CIZ1: variants seen among roughly 807,000 people sequenced by gnomAD.
CIZ1 encodes cip1-interacting zinc finger protein.
In CIZ1, 58 loss-of-function variants were observed where a neutral mutation model predicts 118.6. The ratio of observed to expected loss-of-function variants is 0.49; its 90% CI spans 0.40 to 0.61. The LOEUF is 0.61. CIZ1 is among the 20% of genes least tolerant of loss of function. The pLI, the probability that CIZ1 is intolerant of heterozygous loss-of-function variation, is 0.00. For missense variants in CIZ1, 921 were observed against 1,115.9 expected (o/e 0.83, Z 2.49); for synonymous variants, 448 against 443.4 (o/e 1.01, Z -0.13).
intron 5 of CIZ1, among the ~76,000 whole-genome samples, chr9:128,182,790 T>A (rs567705097): frequency 6.6e-6 from 1 of 150,408 alleles, no homozygotes; most frequent in Admixed American, 6.6e-5. Flanking sequence ...TCTGTATTCT[T>A]TTTTTTTTTC....
chr9:128,185,293 A>G (rs1832220206), intron 5 of CIZ1, among the ~76,000 whole-genome samples: 1 of 152,200 alleles, frequency 6.6e-6, no homozygotes, highest in South Asian at 2.1e-4. Flanking sequence ...AACAAACAAA[A>G]AAGAAACATT....
In CIZ1 at chr9:128,203,757, C is replaced by T. The variant is rs373421556; in HGVS notation, c.-6+429G>A. The T allele has an allele frequency of 5.6e-6, 5 of 890,166 alleles. No homozygotes were observed. The highest frequency in any genetic ancestry group is 3.9e-5 in the East Asian group (1 of 25,572). 55.1% of individuals were successfully genotyped at this position (890,166 alleles called of 1,614,324 possible). A position where few individuals can be genotyped will look rare whatever the true frequency, so the allele number is the denominator to read the frequency against. On this transcript the variant is annotated intron_variant, in intron 1 of 17. Transcript: ENST00000372948. The surrounding 1 kb of genome is among the most constrained non-coding windows in gnomAD (Gnocchi z 5.3). ...CTGCACCCGCGGCCGGCGCGCCCCC[C>T]ACCCCCAGCCGGAGCGAGGAGGCCC...
At chr9:128,169,260 C>CAT in intron 13 of CIZ1, 59 bp from the exon 14 acceptor site, 2 of 1,498,274 alleles carry the variant, frequency 1.3e-6, no homozygotes. Flanking sequence ...GGGCCATGCC[C>CAT]TACCCACCCC....
At chr9:128,180,315 C>T (rs1831411099) in intron 7 of CIZ1, 100 bp downstream of exon 7, 1 of 850,766 alleles carries the variant, frequency 1.2e-6, no homozygotes. Context: ...TGCTCCAGCT[C>T]CACTGAATGG....
upstream of CIZ1, chr9:128,191,789 G>C: frequency 1.4e-6 from 2 of 1,432,782 alleles, no homozygotes; most frequent in Non-Finnish European, 9.2e-7. This position sits in a 1 kb window ranked among gnomAD's most constrained non-coding sequence, Gnocchi z 5.5. Context: ...AGGTCCGTCT[G>C]CCGCCCGGAA....
intron 11 of CIZ1, among the ~76,000 whole-genome samples, chr9:128,172,219 A>AT: frequency 6.6e-6 from 1 of 150,992 alleles, no homozygotes; most frequent in Admixed American, 6.6e-5. Flanking sequence ...CTGGCTGGGC[A>AT]TGGTGGCTCA....
In CIZ1 at chr9:128,166,139, C is replaced by G; in HGVS notation, c.*58G>C. The G allele has an allele frequency of 8.4e-7, 1 of 1,196,620 alleles. No homozygotes were observed. Among genetic ancestry groups the G allele is most frequent in the Non-Finnish European group, 1.1e-6 (1 of 887,032 alleles). 74.1% of individuals were successfully genotyped at this position (1,196,620 alleles called of 1,614,324 possible). On this transcript the variant is annotated 3_prime_UTR_variant, in exon 17 of 17. Transcript: ENST00000372938. The surrounding 1 kb of genome is among the most constrained non-coding windows in gnomAD (Gnocchi z 4.4). The stretch of plus-strand genomic sequence containing the variant: ...CCATGTCAAAGTTTCCAGGCAGACT[C>G]CTAAAAAGCATTAGCAGATCTGGAC...
At position 128,177,737 on chromosome 9, in the gene CIZ1, C is replaced by T. The variant is rs1831046520; in HGVS notation, c.1647G>A (p.Lys549=). ...TGTCACTGCTCTGCAGAATGGTGACCTTCAGGGAGCCCCCGGCGCCCCATA... is the reference window on the plus strand; with the variant it reads ...TGTCACTGCTCTGCAGAATGGTGACTTTCAGGGAGCCCCCGGCGCCCCATA... ...PGVWGAGGSL[K]VTILQSSDSR... Residue 549 remains lysine (K), a synonymous_variant, in exon 10 of 17, where the codon AAG becomes AAA. Coordinates refer to ENST00000372938, the MANE Select transcript of CIZ1 (RefSeq NM_001131016.2). 6.2e-7 allele frequency: 1 copy of T among 1,604,612 alleles called. No individual in the cohort carries two copies. The highest frequency in any genetic ancestry group is 8.5e-7 in the Non-Finnish European group (1 of 1,175,782).
intron 3 of CIZ1, among the ~76,000 whole-genome samples, chr9:128,188,657 A>T (rs1033375841): frequency 1.5e-4 from 23 of 151,770 alleles, no homozygotes; most frequent in Non-Finnish European, 3.1e-4. Flanking sequence ...TTTTTGAGAA[A>T]GGGTCTCGCT....
At chr9:128,172,586 C>T (rs924731490) in intron 11 of CIZ1, among the ~76,000 whole-genome samples, 4 of 152,172 alleles carry the variant, frequency 2.6e-5, no homozygotes, top group Non-Finnish European at 5.9e-5. Flanking sequence ...TTAGGGGACA[C>T]ATGTCCACTG....
Position 128,170,082 on chromosome 9 carries a change from T to G in CIZ1, c.1969A>C (p.Asn657His). The change falls in exon 12 of 17, where the codon AAC becomes CAC. Residue 657 changes from asparagine to histidine, a missense_variant. Coordinates refer to ENST00000372938, the MANE Select transcript of CIZ1 (RefSeq NM_001131016.2). ...DEEPPPRRWCNTCQLYYMGDL... is the reference protein window; with the variant it reads ...DEEPPPRRWCHTCQLYYMGDL... The stretch of plus-strand genomic sequence containing the variant: ...CCCATGTAGTAGAGCTGGCAGGTGT[T>G]GCACCAGCGCCTTGGTGGAGGCTCC... The G allele has an allele frequency of 6.2e-7, 1 of 1,613,144 alleles. No individual in the cohort carries two copies. Among genetic ancestry groups the G allele is most frequent in the South Asian group, 1.1e-5 (1 of 91,002 alleles).
upstream of CIZ1, chr9:128,191,899 G>A: frequency 1.4e-6 from 2 of 1,445,382 alleles, no homozygotes; most frequent in African/African-American, 1.5e-5. The surrounding 1 kb of genome is among the most constrained non-coding windows in gnomAD (Gnocchi z 5.5). Context: ...GCCCCGCGCG[G>A]GGCTGCGGTG....
In CIZ1 at chr9:128,185,173, G is replaced by C. The variant is rs1195848813; in HGVS notation, c.588+374C>G. On this transcript the variant is annotated intron_variant, in intron 5 of 16. Coordinates refer to ENST00000372938, the MANE Select transcript of CIZ1 (RefSeq NM_001131016.2). ...CATGCCTGTAATCCCAGCTACTCTG[G>C]AGGCTGAGGCAGGAGAATCGCTTGA... Among the ~76,000 whole-genome samples the C allele has an allele frequency of 3.3e-5, 5 of 152,230 alleles. No individual in the cohort carries two copies. In the East Asian group the frequency reaches 9.8e-4, roughly 30 times the overall value.
At chr9:128,174,604 CTT>C (rs1488515670) in intron 11 of CIZ1, among the ~76,000 whole-genome samples, 2 of 152,102 alleles carry the variant, frequency 1.3e-5, no homozygotes, top group Non-Finnish European at 2.9e-5. Context: ...GTATTGATGT[CTT>C]TGTGTTGGGG....
intron 7 of CIZ1, 128 bp from the exon 8 acceptor site, chr9:128,179,543 C>A: frequency 2.6e-6 from 2 of 771,406 alleles, no homozygotes; most frequent in Non-Finnish European, 4.0e-6. Flanking sequence ...GAGGCTGAGG[C>A]AGGTGGATCA....
Position 128,190,873 on chromosome 9 carries a change from A to G in CIZ1, c.-5-11T>C, listed in dbSNP as rs1391825054. Reference sequence around the variant, plus strand: ...GGCTGAACATGGTGGCTAGGGGCAGAAAGCAGAGTGAGGCAAGGGGTCCCC... The same window carrying G: ...GGCTGAACATGGTGGCTAGGGGCAGGAAGCAGAGTGAGGCAAGGGGTCCCC... On this transcript the variant is annotated splice_polypyrimidine_tract_variant and intron_variant, in intron 1 of 16. Transcript: ENST00000372938. 6.5e-7 allele frequency: 1 copy of G among 1,532,664 alleles called. No homozygotes were observed. Among genetic ancestry groups the G allele is most frequent in the Non-Finnish European group, 8.7e-7 (1 of 1,143,842 alleles). 94.9% of individuals were successfully genotyped at this position (1,532,664 alleles called of 1,614,324 possible).
upstream of CIZ1, among the ~76,000 whole-genome samples, chr9:128,194,923 G>C (rs1241283342): frequency 1.3e-5 from 2 of 152,086 alleles, no homozygotes; most frequent in African/African-American, 4.8e-5. Flanking sequence ...GCTCAATGGA[G>C]CCTCCTACCT....
chr9:128,182,242 C>A (rs1232606623), intron 5 of CIZ1, among the ~76,000 whole-genome samples: 3 of 152,118 alleles, frequency 2.0e-5, no homozygotes, highest in African/African-American at 7.2e-5. Context: ...TGGTAGTGGT[C>A]CCCCGGGCCC....
chr9:128,189,381 C>A lies in CIZ1; in HGVS notation c.286+948G>T, dbSNP rs561480872. ...CAGGACCACATCCATGTGGCCCTGA[C>A]AGGTCCACAGAGTGACAACCATCTA... On this transcript the variant is annotated intron_variant, in intron 3 of 16. Transcript: ENST00000372938. 2.6e-5 allele frequency among the ~76,000 whole-genome samples: 4 copies of A among 152,324 alleles called. No individual in the cohort carries two copies. In the East Asian group the frequency reaches 7.7e-4, roughly 29 times the overall value.
Sources: gnomAD v4.1 joint callset for allele counts (sites outside exome capture counted in the v4.1 genomes callset) on GRCh38, gnomAD v4.1.1 for gene constraint, Gnocchi (gnomAD v3.1) non-coding constraint, MANE v1.5 for transcripts, NCBI Gene and HGNC (gene_info 2026-07-23, HGNC 2026-07-21) for gene names.